APLF: variants seen among roughly 807,000 people sequenced by gnomAD.
The protein encoded by APLF is aprataxin and PNK-like factor.
APLF carries 61 observed loss-of-function variants against 55.6 expected under a neutral mutation model. That is an observed-to-expected ratio of 1.10 (90% CI 0.89 to 1.36). APLF has a LOEUF of 1.36. Ranked by LOEUF, APLF falls within the 40% of genes most tolerant of loss-of-function variation. The probability of loss-of-function intolerance (pLI) is 0.00; values close to 1 mark genes in which losing one functional copy is unlikely to be tolerated. For synonymous variants in APLF, 207 were observed against 214.8 expected, an observed-to-expected ratio of 0.96 and a Z score of 0.32; for missense variants, 611 against 602.5, an observed-to-expected ratio of 1.01 and a Z score of -0.15.
intron 6 of APLF, chr2:68,531,485 C>G (rs974562676): frequency 6.6e-6 from 1 of 152,192 alleles, no homozygotes; most frequent in Non-Finnish European, 1.5e-5. Context: ...AGAGAGGAAC[C>G]AGCTTCTCAC....
At chr2:68,506,011 T>C (rs1471851281) in intron 3 of APLF, among the ~76,000 whole-genome samples, 2 of 151,980 alleles carry the variant, frequency 1.3e-5, no homozygotes, top group Non-Finnish European at 1.5e-5. Flanking sequence ...CATTCAGGTG[T>C]GGTTGAAAGG....
At chr2:68,541,518 A>C (rs532443226) in intron 7 of APLF, among the ~76,000 whole-genome samples, 1 of 152,310 alleles carries the variant, frequency 6.6e-6, no homozygotes, top group South Asian at 2.1e-4. Flanking sequence ...ATAAGCATAC[A>C]AGAAAGGTTT....
chr2:68,542,026 C>A (rs1024878727), intron 7 of APLF, among the ~76,000 whole-genome samples: 1 of 152,010 alleles, frequency 6.6e-6, no homozygotes, highest in Non-Finnish European at 1.5e-5. Context: ...GGTCTCAAGA[C>A]AAATCAAAGA....
At chr2:68,480,780 G>T (rs1348251761) in intron 1 of APLF, among the ~76,000 whole-genome samples, 1 of 152,066 alleles carries the variant, frequency 6.6e-6, no homozygotes, top group African/African-American at 2.4e-5. Context: ...TTGTGTTGAG[G>T]TATGTTTCTT....
rs548788593 is a variant in APLF at position 68,503,303 on chromosome 2, C to T, written c.341+400C>T. Reference sequence around the variant, plus strand: ...ACTTCTGACTTACACTTGTCTAACTCCTCTTTCTTATAAAAATAGCAGAAA... The same window carrying T: ...ACTTCTGACTTACACTTGTCTAACTTCTCTTTCTTATAAAAATAGCAGAAA... On this transcript the variant is annotated intron_variant, in intron 3 of 9. Coordinates refer to ENST00000303795, the MANE Select transcript of APLF (RefSeq NM_173545.3). Among the ~76,000 whole-genome samples, 5 of 152,176 alleles carry T rather than the reference C, an allele frequency of 3.3e-5. No homozygotes were observed. In the East Asian group the frequency reaches 9.7e-4, roughly 29 times the overall value.
chr2:68,527,265 G>A (rs961661271), intron 6 of APLF, among the ~76,000 whole-genome samples: 3 of 151,758 alleles, frequency 2.0e-5, no homozygotes, highest in African/African-American at 7.3e-5. Context: ...AGGAGGCGGG[G>A]CAGAGGCACT....
intron 1 of APLF, among the ~76,000 whole-genome samples, chr2:68,473,412 A>T (rs1675682259): frequency 1.3e-5 from 2 of 152,194 alleles, no homozygotes; most frequent in Non-Finnish European, 2.9e-5. Flanking sequence ...ACTAAAGGTC[A>T]TCTTGGTTGC....
chr2:68,502,677 TTATTG>T (rs1478311727), intron 2 of APLF, 49 bp from the exon 3 acceptor site: 9 of 1,076,970 alleles, frequency 8.4e-6, no homozygotes, highest in African/African-American at 1.7e-5. Flanking sequence ...AGTTACAACA[TTATTG>T]TATTATATTC....
In APLF at chr2:68,467,612, C is replaced by T. The variant is rs529716180; in HGVS notation, c.-120C>T. On this transcript the variant is annotated 5_prime_UTR_variant, in exon 1 of 10. Transcript: ENST00000303795. Reference sequence around the variant, plus strand: ...GAGGACCGGCGCAGCCGCGGGGAGCCTTTGAGGCCCTCCCTCGGTGTTTTT... The same window carrying T: ...GAGGACCGGCGCAGCCGCGGGGAGCTTTTGAGGCCCTCCCTCGGTGTTTTT... 1.1e-5 allele frequency: 9 copies of T among 834,036 alleles called. No individual in the cohort carries two copies. In the East Asian group the frequency reaches 2.0e-4, roughly 19 times the overall value. 51.7% of individuals were successfully genotyped at this position (834,036 alleles called of 1,614,324 possible).
chr2:68,503,496 G>A (rs1157743125), intron 3 of APLF, among the ~76,000 whole-genome samples: 1 of 152,076 alleles, frequency 6.6e-6, no homozygotes, highest in East Asian at 1.9e-4. Context: ...TAGATGGACA[G>A]AATTATGCGG....
Position 68,476,316 on chromosome 2 carries a change from T to A in APLF, c.96+8489T>A, listed in dbSNP as rs527804667. Among the ~76,000 whole-genome samples, 23 of 151,986 alleles carry A rather than the reference T, an allele frequency of 1.5e-4. No homozygotes were observed. The South Asian group carries it at 4.0e-3, about 26-fold the overall frequency. On this transcript the variant is annotated intron_variant, in intron 1 of 9. Coordinates refer to ENST00000303795, the MANE Select transcript of APLF (RefSeq NM_173545.3). ...GCCTGATCAACATGGTGAAACCCTGTCTGTACCAAAAATACAAACAGCCGG... is the reference window on the plus strand; with the variant it reads ...GCCTGATCAACATGGTGAAACCCTGACTGTACCAAAAATACAAACAGCCGG...
At chr2:68,516,625 A>G (rs981240422) in intron 5 of APLF, among the ~76,000 whole-genome samples, 9 of 150,590 alleles carry the variant, frequency 6.0e-5, no homozygotes, top group Admixed American at 4.7e-4. Flanking sequence ...AGTCTGTGGC[A>G]TCATTCTCAT....
intron 5 of APLF, among the ~76,000 whole-genome samples, chr2:68,521,394 T>C (rs936605931): frequency 6.6e-6 from 1 of 151,968 alleles, no homozygotes; most frequent in Non-Finnish European, 1.5e-5. Flanking sequence ...AGTGCTATGA[T>C]GAATAGAAGT....
At chr2:68,551,519 T>G (rs1670859421) in intron 8 of APLF, among the ~76,000 whole-genome samples, 1 of 151,920 alleles carries the variant, frequency 6.6e-6, no homozygotes, top group African/African-American at 2.4e-5. Context: ...TTTCTTCTAG[T>G]CTGCTGTTAA....
intron 1 of APLF, among the ~76,000 whole-genome samples, chr2:68,484,342 A>G (rs1022491946): frequency 6.6e-6 from 1 of 152,158 alleles, no homozygotes; most frequent in African/African-American, 2.4e-5. Context: ...GTATCACTAC[A>G]AAAGTGGTAT....
At chr2:68,511,987 G>A (rs756645984) in intron 3 of APLF, among the ~76,000 whole-genome samples, 1 of 151,650 alleles carries the variant, frequency 6.6e-6, no homozygotes, top group South Asian at 2.1e-4. Flanking sequence ...CGGTTAATTA[G>A]ACTTTTCTCA....
At chr2:68,544,845 T>G (rs1357338343) in intron 7 of APLF, among the ~76,000 whole-genome samples, 1 of 152,186 alleles carries the variant, frequency 6.6e-6, no homozygotes, top group Non-Finnish European at 1.5e-5. Flanking sequence ...TTATTAAAAG[T>G]TTTGAAAAGC....
intron 5 of APLF, among the ~76,000 whole-genome samples, chr2:68,518,939 A>G (rs1450637614): frequency 8.1e-6 from 1 of 123,586 alleles, no homozygotes; most frequent in Non-Finnish European, 1.6e-5. Context: ...ATATTAATAT[A>G]TTATATAATA....
At chr2:68,561,948 T>C (rs550631698) in intron 8 of APLF, among the ~76,000 whole-genome samples, 1 of 152,198 alleles carries the variant, frequency 6.6e-6, no homozygotes, top group African/African-American at 2.4e-5. Flanking sequence ...CCAATGAGAA[T>C]TTTAAACTTC....
Sources: allele counts gnomAD v4.1 joint callset (sites outside exome capture counted in the v4.1 genomes callset), GRCh38; gene constraint gnomAD v4.1.1; transcripts MANE v1.5; gene names NCBI Gene and HGNC (gene_info 2026-07-23, HGNC 2026-07-21).